Variants in DSCAM observed in about 807,000 individuals in gnomAD.
DSCAM encodes the protein cell adhesion molecule DSCAM.
In DSCAM, 47 loss-of-function variants were observed where a neutral mutation model predicts 217.7. That is an observed-to-expected ratio of 0.22 (90% CI 0.17 to 0.28). The LOEUF is 0.28. DSCAM is among the 10% of genes least tolerant of loss of function. The probability of loss-of-function intolerance (pLI) is 1.00; values close to 1 mark genes in which losing one functional copy is unlikely to be tolerated. For missense variants in DSCAM, 2,080 were observed against 2,618.3 expected (o/e 0.79, Z 4.49); for synonymous variants, 1,056 against 1,015.3 (o/e 1.04, Z -0.76).
At chr21:40,138,739 GTATATGTGGGC>G (rs934585119) in intron 18 of DSCAM, among the ~76,000 whole-genome samples, 17 of 142,118 alleles carry the variant, frequency 1.2e-4, no homozygotes, top group South Asian at 2.3e-4. Flanking sequence ...GTGGTGTGCA[GTATATGTGGGC>G]TGTATGTGTG....
chr21:40,615,887 G>A (rs1479487876), intron 3 of DSCAM, among the ~76,000 whole-genome samples: 2 of 152,088 alleles, frequency 1.3e-5, no homozygotes, highest in Non-Finnish European at 2.9e-5. Flanking sequence ...GGCAGATAAT[G>A]TGCTTCCCTA....
At chr21:40,264,944 T>C (rs1445704104) in intron 11 of DSCAM, among the ~76,000 whole-genome samples, 1 of 137,862 alleles carries the variant, frequency 7.3e-6, no homozygotes, top group African/African-American at 3.0e-5. Flanking sequence ...CACGCCTGAC[T>C]TTGGGAGGCC....
At chr21:40,155,689 G>A (rs748946411) in intron 16 of DSCAM, among the ~76,000 whole-genome samples, 12 of 152,246 alleles carry the variant, frequency 7.9e-5, no homozygotes, top group East Asian at 5.9e-4. Flanking sequence ...GTAAGACAGC[G>A]CCAGGGGAGG....
chr21:40,045,884 T>C (rs2088834542), intron 30 of DSCAM, among the ~76,000 whole-genome samples: 1 of 152,150 alleles, frequency 6.6e-6, no homozygotes, highest in South Asian at 2.1e-4. Flanking sequence ...GGCAATGGTA[T>C]CCCTCTGTGG....
intron 3 of DSCAM, among the ~76,000 whole-genome samples, chr21:40,527,060 C>T (rs369873737): frequency 2.0e-4 from 31 of 152,196 alleles, no homozygotes; most frequent in Admixed American, 5.9e-4. Flanking sequence ...GTGGCTCTGG[C>T]CTCTGTGTCT....
chr21:40,502,903 T>A (rs982796755), intron 3 of DSCAM, among the ~76,000 whole-genome samples: 5 of 151,228 alleles, frequency 3.3e-5, no homozygotes, highest in Admixed American at 1.3e-4. Flanking sequence ...CTTTATAATA[T>A]TATGTATAAT....
In DSCAM at chr21:40,187,873, A is replaced by G; in HGVS notation, c.2650+18T>C. 6.3e-7 allele frequency: 1 copy of G among 1,596,314 alleles called. No individual in the cohort carries two copies. The highest frequency in any genetic ancestry group is 1.1e-5 in the South Asian group (1 of 90,660). On this transcript the variant is annotated intron_variant, in intron 13 of 32. Transcript: ENST00000400454. ...CTGAAATGACTGTGTTTATTCTCTTACGCTATCGTCTTCCTACCTTGCACT... is the reference window on the plus strand; with the variant it reads ...CTGAAATGACTGTGTTTATTCTCTTGCGCTATCGTCTTCCTACCTTGCACT...
At chr21:40,272,075 A>AT (rs35320680) in intron 11 of DSCAM, among the ~76,000 whole-genome samples, 4,926 of 145,364 alleles carry the variant, frequency 0.034, 163 homozygotes, top group African/African-American at 0.087. Flanking sequence ...TGACAGAGCT[A>AT]TTTTTTTTTT....
chr21:40,727,626 C>G (rs2090970027), intron 1 of DSCAM, among the ~76,000 whole-genome samples: 1 of 152,070 alleles, frequency 6.6e-6, no homozygotes, highest in Admixed American at 6.5e-5. Flanking sequence ...TCTGCCACTC[C>G]CTGGTCCAAT....
intron 3 of DSCAM, among the ~76,000 whole-genome samples, chr21:40,377,901 G>A (rs1476723404): frequency 6.6e-6 from 1 of 152,010 alleles, no homozygotes; most frequent in Non-Finnish European, 1.5e-5. Context: ...TGTACAAAGG[G>A]GCAATATTGC....
intron 2 of DSCAM, among the ~76,000 whole-genome samples, chr21:40,706,829 G>A (rs1220801872): frequency 6.6e-6 from 1 of 152,190 alleles, no homozygotes; most frequent in East Asian, 1.9e-4. Flanking sequence ...AATCAGGAGA[G>A]AAATTTGATT....
At chr21:40,772,783 C>T (rs1263191479) in intron 1 of DSCAM, among the ~76,000 whole-genome samples, 3 of 152,230 alleles carry the variant, frequency 2.0e-5, no homozygotes, top group Non-Finnish European at 4.4e-5. Context: ...AAATCACGTC[C>T]TCTCGTGGCT....
intron 3 of DSCAM, among the ~76,000 whole-genome samples, chr21:40,557,016 G>C (rs2076677932): frequency 6.6e-6 from 1 of 152,092 alleles, no homozygotes; most frequent in Non-Finnish European, 1.5e-5. Flanking sequence ...GGAGGCAGGA[G>C]AGGCAGGCAC....
chr21:40,225,659 C>G (rs2091326179), intron 11 of DSCAM, among the ~76,000 whole-genome samples: 1 of 152,128 alleles, frequency 6.6e-6, no homozygotes, highest in Non-Finnish European at 1.5e-5. Flanking sequence ...TGATAAACGT[C>G]TCTATATTCC....
chr21:40,247,015 G>A (rs991282505), intron 11 of DSCAM, among the ~76,000 whole-genome samples: 2 of 152,162 alleles, frequency 1.3e-5, no homozygotes, highest in Non-Finnish European at 2.9e-5. Flanking sequence ...GTGGCAGCAA[G>A]AGAAAAATGA....
At chr21:40,137,864 C>T (rs1168328334) in intron 18 of DSCAM, among the ~76,000 whole-genome samples, 1 of 152,114 alleles carries the variant, frequency 6.6e-6, no homozygotes, top group East Asian at 1.9e-4. Flanking sequence ...CCACACACTC[C>T]AGTTGGCACC....
chr21:40,418,609 G>A (rs1276798228), intron 3 of DSCAM, among the ~76,000 whole-genome samples: 20 of 152,116 alleles, frequency 1.3e-4, no homozygotes, highest in Non-Finnish European at 7.4e-5. Context: ...TTAGCAAACA[G>A]TAAAAATTAG....
chr21:40,620,349 AAGAG>A lies in DSCAM; in HGVS notation c.508+72457_508+72460del, dbSNP rs981579511. 4.4e-4 allele frequency among the ~76,000 whole-genome samples: 58 copies of A among 131,386 alleles called. 1 individual carries two copies. In the East Asian group the frequency reaches 6.7e-3, roughly 15 times the overall value. 86.2% of individuals were successfully genotyped at this position (131,386 alleles called of 152,430 possible). On this transcript the variant is annotated intron_variant, in intron 3 of 32. Transcript: ENST00000400454. ...GAAAAAAGAAAAAGAAAGAAAGAGAAAGAGAGAGAAAAAAGAAAAAGAAAGAAAG... is the reference window on the plus strand; with the variant it reads ...GAAAAAAGAAAAAGAAAGAAAGAGAAAGAGAAAAAAGAAAAAGAAAGAAAG...
At chr21:40,337,168 A>C (rs1413412305) in intron 8 of DSCAM, among the ~76,000 whole-genome samples, 3 of 152,158 alleles carry the variant, frequency 2.0e-5, no homozygotes, top group African/African-American at 7.2e-5. Flanking sequence ...TGGGAAAAGA[A>C]GCTTGGGGAA....
Sources: gnomAD v4.1 joint callset for allele counts (sites outside exome capture counted in the v4.1 genomes callset) on GRCh38, gnomAD v4.1.1 for gene constraint, MANE v1.5 for transcripts, NCBI Gene and HGNC (gene_info 2026-07-23, HGNC 2026-07-21) for gene names.